Variants in C2CD3 observed in about 807,000 individuals in gnomAD.
The protein encoded by C2CD3 is C2 domain containing 3 centriole elongation regulator.
A neutral mutation model predicts 234.0 loss-of-function variants in C2CD3; 148 were observed. That is an observed-to-expected ratio of 0.63 (90% CI 0.55 to 0.72). C2CD3 has a LOEUF of 0.72. Among genes scored for constraint, C2CD3 ranks in the 30% least tolerant of loss-of-function variants. The pLI is 0.00. For missense variants in C2CD3, 2,577 were observed against 2,811.5 expected (o/e 0.92, Z 1.89); for synonymous variants, 1,000 against 1,035.4 (o/e 0.97, Z 0.66).
chr11:74,026,337 T>C (rs781145641), intron 32 of C2CD3, among the ~76,000 whole-genome samples: 1 of 150,452 alleles, frequency 6.6e-6, no homozygotes, highest in Non-Finnish European at 1.5e-5. Flanking sequence ...AACAGAGATA[T>C]GTGGGAACTT....
intron 26 of C2CD3, among the ~76,000 whole-genome samples, chr11:74,052,384 T>A (rs557521721): frequency 1.8e-4 from 28 of 152,382 alleles, no homozygotes; most frequent in African/African-American, 6.5e-4. Flanking sequence ...ACTATTATTC[T>A]AATTTTATAA....
In C2CD3 at chr11:74,033,665, G is replaced by A. The variant is rs1416942455; in HGVS notation, c.6495C>T (p.Gly2165=). The A allele has an allele frequency of 1.8e-5, 28 of 1,536,198 alleles. No individual in the cohort carries two copies. The highest frequency in any genetic ancestry group is 2.4e-5 in the East Asian group (1 of 40,920). Residue 2165 remains glycine (G), a synonymous_variant, in exon 31 of 33, where the codon GGC becomes GGT. Transcript: ENST00000334126. ...GCTGAGGGTTGGCTGAGGCAGACTCGCCACCAACCCTGGCCTTAGAGGCCT... is the reference window on the plus strand; with the variant it reads ...GCTGAGGGTTGGCTGAGGCAGACTCACCACCAACCCTGGCCTTAGAGGCCT... ...ECEASKARVG[G]ESASANPQPI...
intron 32 of C2CD3, among the ~76,000 whole-genome samples, chr11:74,026,538 T>C (rs1440261583): frequency 6.6e-6 from 1 of 152,172 alleles, no homozygotes; most frequent in East Asian, 1.9e-4. Context: ...TTTTCATTAA[T>C]GTGGCCTCTG....
chr11:74,050,320 T>C (rs914035561), intron 26 of C2CD3, among the ~76,000 whole-genome samples: 2 of 152,146 alleles, frequency 1.3e-5, no homozygotes, highest in East Asian at 1.9e-4. Flanking sequence ...TGGAGAACAG[T>C]TTAGGGTGCA....
intron 2 of C2CD3, among the ~76,000 whole-genome samples, chr11:74,167,000 G>A (rs1163153694): frequency 6.6e-6 from 1 of 152,128 alleles, no homozygotes; most frequent in Non-Finnish European, 1.5e-5. Context: ...CTGTCTAGAT[G>A]TCAACCCGTT....
intron 32 of C2CD3, among the ~76,000 whole-genome samples, chr11:74,020,999 A>C (rs1952061289): frequency 6.6e-6 from 1 of 152,202 alleles, no homozygotes. Flanking sequence ...AGAAATAATG[A>C]TGGTTGAGAC....
rs562989825 is a variant in C2CD3 at position 74,083,496 on chromosome 11, T to C, written c.4000+1385A>G. ...ACAGCAAAAGAACCTACCATTAGAGTGAACAGGCAACCTACAGAATGGAAG... is the reference window on the plus strand; with the variant it reads ...ACAGCAAAAGAACCTACCATTAGAGCGAACAGGCAACCTACAGAATGGAAG... On this transcript the variant is annotated intron_variant, in intron 22 of 32. Coordinates refer to ENST00000334126, the MANE Select transcript of C2CD3 (RefSeq NM_001286577.2). 1.4e-4 allele frequency among the ~76,000 whole-genome samples: 22 copies of C among 152,214 alleles called. No individual in the cohort carries two copies. The South Asian group carries it at 4.6e-3, about 32-fold the overall frequency.
intron 25 of C2CD3, among the ~76,000 whole-genome samples, chr11:74,057,004 A>G (rs188367857): frequency 2.0e-5 from 3 of 151,226 alleles, no homozygotes; most frequent in African/African-American, 7.3e-5. Flanking sequence ...CCATCCTCCA[A>G]TGCCACCCCT....
At chr11:74,064,360 AC>A (rs1403780765) in intron 24 of C2CD3, among the ~76,000 whole-genome samples, 2 of 152,208 alleles carry the variant, frequency 1.3e-5, no homozygotes, top group African/African-American at 2.4e-5. Flanking sequence ...AATCCAACTT[AC>A]AAGGGATGTG....
chr11:74,038,482 T>C (rs1204931788), intron 29 of C2CD3, among the ~76,000 whole-genome samples: 1 of 152,164 alleles, frequency 6.6e-6, no homozygotes, highest in South Asian at 2.1e-4. Flanking sequence ...GCAACTTGAG[T>C]TTCAGAGAAG....
chr11:74,160,591 T>C (rs1856391857), intron 3 of C2CD3, among the ~76,000 whole-genome samples: 1 of 152,008 alleles, frequency 6.6e-6, no homozygotes, highest in Admixed American at 6.6e-5. Context: ...TTAGGGAAGG[T>C]AGCAGGGAGG....
chr11:74,121,047 C>T (rs189615295), intron 8 of C2CD3, among the ~76,000 whole-genome samples: 1 of 151,196 alleles, frequency 6.6e-6, no homozygotes, highest in Non-Finnish European at 1.5e-5. Context: ...TGGCTTGAGA[C>T]TCCAGTATGG....
In C2CD3 at chr11:74,095,338, G is replaced by T; in HGVS notation, c.3050C>A (p.Ala1017Asp). The T allele has an allele frequency of 1.2e-6, 2 of 1,613,772 alleles. No homozygotes were observed. Residue 1017 changes from alanine (A) to aspartate (D), a missense_variant, in exon 17 of 33, where the codon GCC (alanine) becomes GAC (aspartate). Ala to Asp is a moderately radical substitution (Grantham distance 126). Transcript: ENST00000334126. The part of the protein sequence containing the change: ...EIHIEMVKGL[A>D]PLQATVWGEA... ...TCCCCAGACTGTTGCCTGAAGAGGGGCTAGCCCTTTAACCATCTCTATATG... is the reference window on the plus strand; with the variant it reads ...TCCCCAGACTGTTGCCTGAAGAGGGTCTAGCCCTTTAACCATCTCTATATG...
At position 74,092,499 on chromosome 11, in the gene C2CD3, C is replaced by A. The variant is rs779085623; in HGVS notation, c.3434G>T (p.Arg1145Leu). The change falls in exon 19 of 33, where the codon CGT (arginine) becomes CTT (leucine). Residue 1145 changes from arginine to leucine, a missense_variant. Physicochemically the swap from Arg to Leu is moderately radical, Grantham distance 102. Transcript: ENST00000334126. ...AAAGGTCTGTATTCCCACATCCTCA[C>A]GATGCTGGGTGGTTACCATAGCACA... ...RICAMVTTQH[R>L]EDVGIQTFNL... The A allele has an allele frequency of 1.9e-6, 3 of 1,613,424 alleles. No homozygotes were observed. Among genetic ancestry groups the A allele is most frequent in the African/African-American group, 1.3e-5 (1 of 74,886 alleles).
chr11:74,114,527 CA>C lies in C2CD3; in HGVS notation c.1586del (p.Val529GlyfsTer29). ...PEDAQTMTLS[V>X]DRLALLGRTH... Reference sequence around the variant, plus strand: ...TTCTACCCAAAAGGGCCAGTCTATCCACACTTAGTGTCATCGTTTGGGCATC... The same window carrying C: ...TTCTACCCAAAAGGGCCAGTCTATCCCACTTAGTGTCATCGTTTGGGCATC... On this transcript the variant is annotated frameshift_variant, in exon 10 of 33. Coordinates refer to ENST00000334126, the MANE Select transcript of C2CD3 (RefSeq NM_001286577.2). LOFTEE classifies it high-confidence loss of function. 1.9e-6 allele frequency: 3 copies of C among 1,613,924 alleles called. No individual in the cohort carries two copies. Among genetic ancestry groups the C allele is most frequent in the Non-Finnish European group, 2.5e-6 (3 of 1,179,894 alleles).
At chr11:74,024,407 G>C (rs1312127622) in intron 32 of C2CD3, among the ~76,000 whole-genome samples, 1 of 152,204 alleles carries the variant, frequency 6.6e-6, no homozygotes, top group Non-Finnish European at 1.5e-5. Context: ...AAGTTTTTCA[G>C]GCTGAAGGGA....
At chr11:74,144,796 G>A (rs1855059991) in intron 3 of C2CD3, among the ~76,000 whole-genome samples, 1 of 152,008 alleles carries the variant, frequency 6.6e-6, no homozygotes, top group South Asian at 2.1e-4. Context: ...TCTTTTTTAT[G>A]GCTGCATAGT....
intron 28 of C2CD3, among the ~76,000 whole-genome samples, 174 bp downstream of exon 28, chr11:74,048,031 T>C (rs1376519694): frequency 1.3e-5 from 2 of 152,254 alleles, no homozygotes. Context: ...TCCTATCTTA[T>C]AAAAACTTTG....
intron 7 of C2CD3, 106 bp downstream of exon 7, chr11:74,132,738 G>T: frequency 2.9e-6 from 3 of 1,038,278 alleles, no homozygotes; most frequent in Non-Finnish European, 2.9e-6. Context: ...GGAAGGGCTT[G>T]GTTAGTCTAA....
Sources: gnomAD v4.1 joint callset for allele counts (sites outside exome capture counted in the v4.1 genomes callset) on GRCh38, gnomAD v4.1.1 for gene constraint, MANE v1.5 for transcripts, NCBI Gene and HGNC (gene_info 2026-07-23, HGNC 2026-07-21) for gene names.